The following SLC44A5 variants were observed in gnomAD, a reference collection of about 807,000 sequenced individuals.
The protein encoded by SLC44A5 is solute carrier family 44 member 5.
In SLC44A5, 57 loss-of-function variants were observed where a neutral mutation model predicts 101.8. The observed-to-expected ratio is 0.56, with a 90% CI of 0.45 to 0.70. The LOEUF (loss-of-function observed/expected upper bound fraction) is 0.70, where lower values mean the gene tolerates loss of function less well. SLC44A5 is among the 30% of genes least tolerant of loss of function. The probability of loss-of-function intolerance (pLI) is 0.00; values close to 1 mark genes in which losing one functional copy is unlikely to be tolerated. For missense variants in SLC44A5, 737 were observed against 853.1 expected, an observed-to-expected ratio of 0.86 and a Z score of 1.70; for synonymous variants, 281 against 290.9, an observed-to-expected ratio of 0.97 and a Z score of 0.35.
chr1:75,261,944 C>T (rs935143431), intron 6 of SLC44A5, among the ~76,000 whole-genome samples: 8 of 152,070 alleles, frequency 5.3e-5, no homozygotes, highest in African/African-American at 1.9e-4. Context: ...AATTCAACAG[C>T]CCTTCATGCT....
chr1:75,349,992 G>A (rs769674283), intron 3 of SLC44A5, among the ~76,000 whole-genome samples: 17 of 152,032 alleles, frequency 1.1e-4, no homozygotes, highest in African/African-American at 3.4e-4. Context: ...ACCAGTCTGG[G>A]AAATAAGAAA....
At chr1:75,643,966 C>T in the SLC44A5 span, among the ~76,000 whole-genome samples, 1 of 152,166 alleles carries the variant, frequency 6.6e-6, no homozygotes, top group African/African-American at 2.4e-5. Context: ...CATTAACAAT[C>T]TTCACTGGAG....
the SLC44A5 span, among the ~76,000 whole-genome samples, chr1:75,696,876 G>A: frequency 2.0e-5 from 3 of 151,538 alleles, no homozygotes; most frequent in Admixed American, 6.6e-5. Context: ...GCAACAGAGC[G>A]AGACTCTGTC....
intron 1 of SLC44A5, among the ~76,000 whole-genome samples, chr1:75,574,457 T>C (rs909823180): frequency 6.6e-6 from 1 of 152,234 alleles, no homozygotes; most frequent in Admixed American, 6.5e-5. Flanking sequence ...TACATCTTGA[T>C]AAAATATTGA....
At chr1:75,564,833 A>G (rs929343061) in intron 1 of SLC44A5, among the ~76,000 whole-genome samples, 1 of 152,136 alleles carries the variant, frequency 6.6e-6, no homozygotes, top group Non-Finnish European at 1.5e-5. Context: ...CGTGTTAGCC[A>G]GGATGGTCTC....
At chr1:75,357,339 G>A in intron 3 of SLC44A5, 1 of 371,240 alleles carries the variant, frequency 2.7e-6, no homozygotes, top group Non-Finnish European at 5.4e-6. Flanking sequence ...ATGTGAACGT[G>A]TCCTGACCAA....
intron 2 of SLC44A5, among the ~76,000 whole-genome samples, chr1:75,455,567 G>T (rs1666140147): frequency 6.6e-6 from 1 of 151,806 alleles, no homozygotes; most frequent in Admixed American, 6.6e-5. Context: ...CTATCAACAA[G>T]GTAAACAGGA....
intron 3 of SLC44A5, among the ~76,000 whole-genome samples, chr1:75,383,642 A>T (rs1254509531): frequency 6.6e-6 from 1 of 152,222 alleles, no homozygotes; most frequent in Non-Finnish European, 1.5e-5. Flanking sequence ...GCAGGATATT[A>T]TCCAGGAGAA....
chr1:75,331,762 TG>T (rs1360960106), intron 4 of SLC44A5, among the ~76,000 whole-genome samples: 2 of 152,180 alleles, frequency 1.3e-5, no homozygotes, highest in African/African-American at 2.4e-5. Flanking sequence ...CGGGCCTCTC[TG>T]CTCCCTGCAC....
chr1:75,330,024 T>C lies in SLC44A5; in HGVS notation c.101+9558A>G, dbSNP rs192653594. On this transcript the variant is annotated intron_variant, in intron 4 of 23. Coordinates refer to ENST00000370859, the MANE Select transcript of SLC44A5 (RefSeq NM_001130058.2). ...CCCACAAATCATTGTTCTTCATCAC[T>C]TTTAAGTACCAATTTTTATGTTCCC... 5.4e-4 allele frequency among the ~76,000 whole-genome samples: 82 copies of C among 151,862 alleles called. No homozygotes were observed. In the East Asian group the frequency reaches 0.015, roughly 27 times the overall value.
At chr1:75,548,595 A>T (rs1453885700) in intron 1 of SLC44A5, among the ~76,000 whole-genome samples, 1 of 152,142 alleles carries the variant, frequency 6.6e-6, no homozygotes. Flanking sequence ...AAAAGGGGCT[A>T]AAAAGGACTC....
At chr1:75,588,464 T>G (rs1405419988) in intron 1 of SLC44A5, among the ~76,000 whole-genome samples, 1 of 152,118 alleles carries the variant, frequency 6.6e-6, no homozygotes, top group Non-Finnish European at 1.5e-5. Flanking sequence ...AGTTGAAAGG[T>G]TAAGTCATGT....
chr1:75,586,387 T>TGTG lies in SLC44A5; in HGVS notation c.-70+24652_-70+24653insCAC, dbSNP rs67069643. Among the ~76,000 whole-genome samples the TGTG allele has an allele frequency of 6.4e-3, 830 of 130,268 alleles. 8 individuals carry two copies. The highest frequency in any genetic ancestry group is 0.016 in the African/African-American group (586 of 36,202). The allele number at this position is 130,268 out of a possible 152,430, so 85.5% of individuals were successfully genotyped here. A position where few individuals can be genotyped will look rare whatever the true frequency, so the allele number is the denominator to read the frequency against. Reference sequence around the variant, plus strand: ...TGTATATATGTGTGTGTGTGTGTGTTTGTGTGTATCTGCCTGTGTGTGTCC... The same window carrying TGTG: ...TGTATATATGTGTGTGTGTGTGTGTTGTGTGTGTGTATCTGCCTGTGTGTGTCC... On this transcript the variant is annotated intron_variant, in intron 1 of 23. Coordinates refer to ENST00000370859, the MANE Select transcript of SLC44A5 (RefSeq NM_001130058.2).
At chr1:75,231,473 A>G (rs1647568003) in intron 12 of SLC44A5, among the ~76,000 whole-genome samples, 1 of 152,156 alleles carries the variant, frequency 6.6e-6, no homozygotes, top group South Asian at 2.1e-4. Context: ...AGTCTAGACA[A>G]TATTTTCCAA....
chr1:75,353,737 G>A (rs1052480134), intron 3 of SLC44A5, among the ~76,000 whole-genome samples: 30 of 152,132 alleles, frequency 2.0e-4, no homozygotes, highest in African/African-American at 6.8e-4. Flanking sequence ...ACAGCCAGCC[G>A]GATTTCCAAC....
chr1:75,655,952 G>A, the SLC44A5 span, among the ~76,000 whole-genome samples: 1 of 152,172 alleles, frequency 6.6e-6, no homozygotes, highest in Admixed American at 6.5e-5. Flanking sequence ...ACTACCCCAA[G>A]GCATGTAATA....
chr1:75,544,993 G>T (rs549985049), intron 1 of SLC44A5, among the ~76,000 whole-genome samples: 1 of 152,126 alleles, frequency 6.6e-6, no homozygotes, highest in African/African-American at 2.4e-5. Context: ...TTCTCCTAAT[G>T]CTATCCGTCC....
At chr1:75,241,099 G>C (rs981078705) in intron 9 of SLC44A5, among the ~76,000 whole-genome samples, 18 of 151,624 alleles carry the variant, frequency 1.2e-4, no homozygotes, top group Non-Finnish European at 4.4e-5. Context: ...TTGGATAGTA[G>C]AGTATTTCTT....
intron 12 of SLC44A5, 37 bp downstream of exon 12, chr1:75,233,949 T>C (rs774563647): frequency 1.4e-6 from 2 of 1,407,360 alleles, no homozygotes; most frequent in Non-Finnish European, 2.0e-6. Context: ...AAAGGATTAT[T>C]CTGATATTTG....
Sources: gnomAD v4.1 joint callset for allele counts (sites outside exome capture counted in the v4.1 genomes callset) on GRCh38, gnomAD v4.1.1 for gene constraint, MANE v1.5 for transcripts, NCBI Gene and HGNC (gene_info 2026-07-23, HGNC 2026-07-21) for gene names.